EGFL6: variants seen among roughly 807,000 people sequenced by gnomAD.
EGFL6 encodes the protein EGF like domain multiple 6.
Under a neutral mutation model 43.1 loss-of-function variants are expected in EGFL6, and 42 were observed. That is an observed-to-expected ratio of 0.98 (90% CI 0.76 to 1.26). EGFL6 has a LOEUF of 1.26. Ranked by LOEUF, EGFL6 falls within the 50% of genes most tolerant of loss-of-function variation. EGFL6 has a pLI of 0.00. For synonymous variants in EGFL6, 164 were observed against 163.2 expected (o/e 1.01, Z -0.04); for missense variants, 429 against 427.8 (o/e 1.00, Z -0.02).
At chrX:13,632,545 C>G (rs2045819023) in intron 11 of EGFL6, among the ~76,000 whole-genome samples, 1 of 109,728 alleles carries the variant, frequency 9.1e-6, no homozygotes, top group African/African-American at 3.3e-5. Flanking sequence ...ACCTCGTGAT[C>G]CGCCCGCCTC....
Position 13,627,277 on chromosome X carries a change from G to A in EGFL6, c.1551+1G>A, listed in dbSNP as rs779064685. ...TCAAGGAACTGATGCTACCAAAAGC[G>A]TAAGTGGGAAAAAAATGATTAAACT... is the stretch of plus-strand genomic sequence containing the variant. On this transcript the variant is annotated splice_donor_variant, in intron 11 of 11. Coordinates refer to ENST00000361306, the MANE Select transcript of EGFL6 (RefSeq NM_015507.4). LOFTEE classifies it high-confidence loss of function. 13 of 1,197,554 alleles carry A rather than the reference G, an allele frequency of 1.1e-5. No homozygotes were observed. The highest frequency in any genetic ancestry group is 2.3e-4 in the Middle Eastern group (1 of 4,286).
intron 9 of EGFL6, among the ~76,000 whole-genome samples, chrX:13,621,447 G>C (rs760929113): frequency 8.9e-6 from 1 of 112,163 alleles, no homozygotes; most frequent in South Asian, 3.7e-4. Context: ...TGGCATGAAA[G>C]CAAGGAAGGG....
chrX:13,578,700 A>G (rs1197195136), intron 1 of EGFL6, among the ~76,000 whole-genome samples: 2 of 110,199 alleles, frequency 1.8e-5, no homozygotes, highest in African/African-American at 3.3e-5. Context: ...AACACCGCAT[A>G]TTCTCACTCA....
intron 1 of EGFL6, among the ~76,000 whole-genome samples, chrX:13,578,336 G>A (rs1265668933): frequency 9.3e-6 from 1 of 107,986 alleles, no homozygotes; most frequent in African/African-American, 3.4e-5. Flanking sequence ...TGGTGGGACT[G>A]TAAACTAGTT....
At chrX:13,573,099 G>A (rs1383024245) in intron 1 of EGFL6, among the ~76,000 whole-genome samples, 1 of 111,773 alleles carries the variant, frequency 8.9e-6, no homozygotes, top group South Asian at 3.8e-4. Flanking sequence ...AGGCCCACTC[G>A]GATAATTCAG....
chrX:13,571,244 G>A (rs2045441411), intron 1 of EGFL6, among the ~76,000 whole-genome samples: 1 of 110,409 alleles, frequency 9.1e-6, no homozygotes, highest in Non-Finnish European at 1.9e-5. Flanking sequence ...GATTCCTGAG[G>A]AGAGTAGGAT....
In EGFL6 at chrX:13,594,909, C is replaced by G. The variant is rs766570520; in HGVS notation, c.261C>G (p.Thr87=). ...PNKCRCFPGY[T]GKTCSQDVNE... ...AATGCAGATGCTTTCCAGGATACACCGGGAAAACCTGCAGTCAAGGTCAGT... is the reference window on the plus strand; with the variant it reads ...AATGCAGATGCTTTCCAGGATACACGGGGAAAACCTGCAGTCAAGGTCAGT... The change falls in exon 3 of 12, where the codon ACC becomes ACG. Residue 87 remains threonine (T), a synonymous_variant. Transcript: ENST00000361306. 5.0e-6 allele frequency: 6 copies of G among 1,208,273 alleles called. No homozygotes were observed. The East Asian group carries it at 1.2e-4, about 24-fold the overall frequency.
chrX:13,597,778 C>T (rs1183098092), intron 3 of EGFL6, among the ~76,000 whole-genome samples: 4 of 105,411 alleles, frequency 3.8e-5, no homozygotes, highest in Non-Finnish European at 7.8e-5. Flanking sequence ...AGCGAGACTC[C>T]ATCTCAGAAA....
rs747237275 is a variant in EGFL6 at position 13,606,392 on chromosome X, T to C, written c.534T>C (p.Cys178=). The C allele has an allele frequency of 3.3e-6, 4 of 1,211,036 alleles. No homozygotes were observed. In the South Asian group the frequency reaches 5.3e-5, roughly 16 times the overall value. The stretch of plus-strand genomic sequence containing the variant: ...TTTACACCCTAGATATTGATGAATG[T>C]GCCTCTGGTAAAGTCATCTGTCCCT... ...NGRDCLDIDE[C]ASGKVICPYN... Residue 178 remains cysteine, a synonymous_variant, in exon 6 of 12, where the codon TGT becomes TGC. Coordinates refer to ENST00000361306, the MANE Select transcript of EGFL6 (RefSeq NM_015507.4).
At chrX:13,607,836 C>T (rs1425846549) in intron 6 of EGFL6, among the ~76,000 whole-genome samples, 1 of 112,059 alleles carries the variant, frequency 8.9e-6, no homozygotes, top group East Asian at 2.8e-4. Flanking sequence ...GCAAATTTTC[C>T]TCCTCTAAAC....
At chrX:13,606,632 G>A in intron 6 of EGFL6, 119 bp downstream of exon 6, 1 of 775,022 alleles carries the variant, frequency 1.3e-6, no homozygotes, top group Non-Finnish European at 1.8e-6. Flanking sequence ...GTGCTGACCA[G>A]CTTAACAATA....
chrX:13,586,296 A>G (rs1320967511), intron 1 of EGFL6, among the ~76,000 whole-genome samples: 1 of 112,256 alleles, frequency 8.9e-6, no homozygotes, highest in Admixed American at 9.5e-5. Context: ...GCTGATGGGA[A>G]AGTAAAATGA....
chrX:13,603,219 C>T (rs1414382144), intron 4 of EGFL6, 98 bp from the exon 5 acceptor site: 5 of 950,066 alleles, frequency 5.3e-6, no homozygotes, highest in Non-Finnish European at 7.0e-6. Context: ...TGCCATGCAA[C>T]GTGTTCCATT....
Position 13,587,569 on chromosome X carries a change from G to A in EGFL6, c.75-1987G>A, listed in dbSNP as rs372015496. ...ACTGTAGTCACCCTGCTGTGCTACA[G>A]AATATTGGAGTTTATCATAGGTTCT... On this transcript the variant is annotated intron_variant, in intron 1 of 11. Coordinates refer to ENST00000361306, the MANE Select transcript of EGFL6 (RefSeq NM_015507.4). 1.2e-4 allele frequency among the ~76,000 whole-genome samples: 13 copies of A among 111,982 alleles called. No homozygotes were observed. The South Asian group carries it at 1.9e-3, about 16-fold the overall frequency.
At chrX:13,613,157 CATATAT>C (rs35293457) in intron 7 of EGFL6, among the ~76,000 whole-genome samples, 49 of 89,413 alleles carry the variant, frequency 5.5e-4, no homozygotes, top group African/African-American at 2.1e-3. Context: ...TAAATATATA[CATATAT>C]ATATATATAT....
At chrX:13,606,193 T>TATA (rs1569206827) in intron 5 of EGFL6, among the ~76,000 whole-genome samples, 186 bp from the exon 6 acceptor site, 2 of 111,676 alleles carry the variant, frequency 1.8e-5, no homozygotes, top group African/African-American at 6.5e-5. Context: ...ATAATATAAA[T>TATA]ACATAAAGTG....
chrX:13,600,057 C>T lies in EGFL6; in HGVS notation c.363C>T (p.Leu121=), dbSNP rs781079982. The change falls in exon 4 of 12, where the codon CTC becomes CTT. Residue 121 remains leucine (L), a synonymous_variant. Transcript: ENST00000361306. ...ACGGAAGCTACAAGTGCTTTTGCCT[C>T]AGTGGCCACATGCTCATGCCAGATG... The part of the protein sequence containing the change: ...NTHGSYKCFC[L]SGHMLMPDAT... The T allele has an allele frequency of 8.3e-7, 1 of 1,211,370 alleles. No homozygotes were observed. Among genetic ancestry groups the T allele is most frequent in the Admixed American group, 2.2e-5 (1 of 45,989 alleles).
At position 13,577,949 on chromosome X, in the gene EGFL6, A is replaced by G. The variant is rs140090411; in HGVS notation, c.74+8014A>G. ...CTAATTCATGCACAGAATTATGACA[A>G]AATTGCACAGAATTATTAAGGTAAT... On this transcript the variant is annotated intron_variant, in intron 1 of 11. Coordinates refer to ENST00000361306, the MANE Select transcript of EGFL6 (RefSeq NM_015507.4). 3.6e-5 allele frequency among the ~76,000 whole-genome samples: 4 copies of G among 111,653 alleles called. No homozygotes were observed. The East Asian group carries it at 8.3e-4, about 23-fold the overall frequency.
chrX:13,594,307 A>G (rs985525723), intron 2 of EGFL6, among the ~76,000 whole-genome samples: 23 of 111,854 alleles, frequency 2.1e-4, no homozygotes, highest in African/African-American at 6.5e-4. Flanking sequence ...AATAAAATAG[A>G]AAAACAAATC....
Sources: gnomAD v4.1 joint callset for allele counts (sites outside exome capture counted in the v4.1 genomes callset) on GRCh38, gnomAD v4.1.1 for gene constraint, MANE v1.5 for transcripts, NCBI Gene and HGNC (gene_info 2026-07-23, HGNC 2026-07-21) for gene names.